The following COL5A2 variants were observed in gnomAD, a reference collection of about 807,000 sequenced individuals.
The protein encoded by COL5A2 is collagen alpha-2(V) chain.
A neutral mutation model predicts 208.2 loss-of-function variants in COL5A2; 23 were observed. The ratio of observed to expected loss-of-function variants is 0.11; its 90% CI spans 0.08 to 0.16. The LOEUF (loss-of-function observed/expected upper bound fraction) is 0.16, where lower values mean the gene tolerates loss of function less well. Among genes scored for constraint, COL5A2 ranks in the 10% least tolerant of loss-of-function variants. COL5A2 has a pLI of 1.00. For missense variants in COL5A2, 1,590 were observed against 1,956.4 expected, an observed-to-expected ratio of 0.81 and a Z score of 3.53; for synonymous variants, 625 against 628.5, an observed-to-expected ratio of 0.99 and a Z score of 0.08.
chr2:189,094,649 A>ACACACACACACACACACACACACACACAC (rs1576522851), intron 6 of COL5A2, among the ~76,000 whole-genome samples: 2 of 76,738 alleles, frequency 2.6e-5, no homozygotes, highest in African/African-American at 3.9e-5. Flanking sequence ...ACACACACAT[A>ACACACACACACACACACACACACACACAC]AATGTTATAG....
the COL5A2 span, among the ~76,000 whole-genome samples, chr2:189,264,397 G>C: frequency 6.6e-6 from 1 of 152,066 alleles, no homozygotes; most frequent in Non-Finnish European, 1.5e-5. Context: ...ACAGCTTTTT[G>C]AAGCAACATA....
At chr2:189,122,393 A>G (rs954344077) in intron 1 of COL5A2, among the ~76,000 whole-genome samples, 3 of 152,164 alleles carry the variant, frequency 2.0e-5, no homozygotes, top group African/African-American at 7.2e-5. Flanking sequence ...GGAACCACCT[A>G]AAACAGGAAT....
intron 1 of COL5A2, among the ~76,000 whole-genome samples, chr2:189,122,856 AT>A (rs1687533758): frequency 6.6e-6 from 1 of 152,254 alleles, no homozygotes; most frequent in Non-Finnish European, 1.5e-5. Flanking sequence ...CTAGTGGAAA[AT>A]GTTATACTGG....
chr2:189,321,590 G>C, the COL5A2 span, among the ~76,000 whole-genome samples: 5 of 152,216 alleles, frequency 3.3e-5, no homozygotes, highest in South Asian at 1.0e-3. Flanking sequence ...TAAAGGTAAA[G>C]GGATCAATTC....
In COL5A2 at chr2:189,054,186, T is replaced by C. The variant is rs1408055497; in HGVS notation, c.2418A>G (p.Pro806=). 2 of 1,614,128 alleles carry C rather than the reference T, an allele frequency of 1.2e-6. No homozygotes were observed. The highest frequency in any genetic ancestry group is 2.2e-5 in the South Asian group (2 of 91,086). ...TTTCTCCAGTAGGACCTGCCGGACC[T>C]GGAGGGCCCAAAGGACCTGGAAGAC... ...ARGLPGPLGP[P]GPAGPTGEKG... The change falls in exon 36 of 54, where the codon CCA becomes CCG. Residue 806 remains proline, a synonymous_variant. Transcript: ENST00000374866.
rs981324927 is a variant in COL5A2, at chr2:189,032,275, A to G, written c.*1795T>C. 1 of 152,146 alleles carries G rather than the reference A, an allele frequency of 6.6e-6. No homozygotes were observed. Among genetic ancestry groups the G allele is most frequent in the African/African-American group, 2.4e-5 (1 of 41,438 alleles). 9.4% of individuals were successfully genotyped at this position (152,146 alleles called of 1,614,324 possible). ...GAAAAATCTATTGCTTGCCCTTTTTATCAATAATACTACTCTGACATTTTT... is the reference window on the plus strand; with the variant it reads ...GAAAAATCTATTGCTTGCCCTTTTTGTCAATAATACTACTCTGACATTTTT... On this transcript the variant is annotated 3_prime_UTR_variant, in exon 54 of 54. Coordinates refer to ENST00000374866, the MANE Select transcript of COL5A2 (RefSeq NM_000393.5).
chr2:189,414,358 T>G, the COL5A2 span, among the ~76,000 whole-genome samples: 25 of 152,270 alleles, frequency 1.6e-4, no homozygotes, highest in African/African-American at 5.8e-4. Context: ...TGCTCATTAT[T>G]ACAAAAACAG....
the COL5A2 span, among the ~76,000 whole-genome samples, chr2:189,427,878 T>C: frequency 2.6e-4 from 39 of 152,204 alleles, no homozygotes; most frequent in Non-Finnish European, 1.0e-4. Context: ...AGTTTCAGAC[T>C]TGCATGGGGC....
At chr2:189,320,537 G>C in the COL5A2 span, among the ~76,000 whole-genome samples, 1 of 152,138 alleles carries the variant, frequency 6.6e-6, no homozygotes. Context: ...TTCAGTAGCC[G>C]ACTCGATCAA....
intron 8 of COL5A2, among the ~76,000 whole-genome samples, chr2:189,088,429 ACTC>A (rs1686711447): frequency 6.6e-6 from 1 of 152,090 alleles, no homozygotes; most frequent in Non-Finnish European, 1.5e-5. Flanking sequence ...TATGTCTTAA[ACTC>A]CTTTATTTTC....
intron 1 of COL5A2, among the ~76,000 whole-genome samples, chr2:189,219,605 ATAACT>A (rs1689322043): frequency 6.6e-6 from 1 of 152,192 alleles, no homozygotes; most frequent in Non-Finnish European, 1.5e-5. Context: ...ACACTTGGAA[ATAACT>A]TAGGTAAGAT....
At chr2:189,055,402 CTG>C (rs542297039) in intron 35 of COL5A2, among the ~76,000 whole-genome samples, 1 of 152,174 alleles carries the variant, frequency 6.6e-6, no homozygotes, top group East Asian at 1.9e-4. Context: ...TATCTTATAA[CTG>C]TGTCTTGCCT....
At chr2:189,428,356 A>G in the COL5A2 span, among the ~76,000 whole-genome samples, 1 of 152,166 alleles carries the variant, frequency 6.6e-6, no homozygotes, top group South Asian at 2.1e-4. Flanking sequence ...ATGGTGGCTC[A>G]CACCTGTAAT....
At chr2:189,262,808 CTAA>C in the COL5A2 span, among the ~76,000 whole-genome samples, 1 of 151,874 alleles carries the variant, frequency 6.6e-6, no homozygotes, top group Admixed American at 6.6e-5. Flanking sequence ...ATGATGGGGA[CTAA>C]TAAGATTCTC....
At chr2:189,167,944 ATTT>A (rs71020985) in intron 1 of COL5A2, among the ~76,000 whole-genome samples, 1 of 139,910 alleles carries the variant, frequency 7.1e-6, no homozygotes, top group Non-Finnish European at 1.5e-5. Flanking sequence ...ACAAACTCCT[ATTT>A]TTTTTTTTTT....
At chr2:189,111,016 G>A (rs1559109105) in intron 1 of COL5A2, among the ~76,000 whole-genome samples, 1 of 152,108 alleles carries the variant, frequency 6.6e-6, no homozygotes, top group Non-Finnish European at 1.5e-5. Flanking sequence ...ATTTCATGGA[G>A]TAGAATTCTA....
the COL5A2 span, among the ~76,000 whole-genome samples, chr2:189,427,856 C>A: frequency 6.6e-6 from 1 of 152,168 alleles, no homozygotes; most frequent in African/African-American, 2.4e-5. Context: ...TTACCCAATA[C>A]CTGCCCTGCT....
the COL5A2 span, among the ~76,000 whole-genome samples, chr2:189,394,319 G>A: frequency 6.6e-6 from 1 of 151,988 alleles, no homozygotes; most frequent in Admixed American, 6.6e-5. Context: ...ATAGTCTTGG[G>A]AGAGTTACTA....
the COL5A2 span, among the ~76,000 whole-genome samples, chr2:189,417,405 T>G: frequency 1.3e-5 from 2 of 150,558 alleles, no homozygotes; most frequent in Admixed American, 1.3e-4. Flanking sequence ...GTGACATGTT[T>G]TGATTTCTGG....
Sources: gnomAD v4.1 joint callset for allele counts (sites outside exome capture counted in the v4.1 genomes callset) on GRCh38, gnomAD v4.1.1 for gene constraint, MANE v1.5 for transcripts, NCBI Gene and HGNC (gene_info 2026-07-23, HGNC 2026-07-21) for gene names.